KCNQ3: variants seen among roughly 807,000 people sequenced by gnomAD.
KCNQ3 encodes potassium voltage-gated channel subfamily Q member 3, also known as potassium voltage-gated channel subfamily KQT member 3.
Under a neutral mutation model 92.5 loss-of-function variants are expected in KCNQ3, and 30 were observed. The observed-to-expected ratio is 0.32, with a 90% CI of 0.24 to 0.44. KCNQ3 has a LOEUF of 0.44. Ranked by LOEUF, KCNQ3 falls within the 20% of genes least tolerant of loss-of-function variation. The pLI, the probability that KCNQ3 is intolerant of heterozygous loss-of-function variation, is 1.00. For synonymous variants in KCNQ3, 450 were observed against 468.8 expected (o/e 0.96, Z 0.52); for missense variants, 913 against 1,140.3 (o/e 0.80, Z 2.87).
intron 7 of KCNQ3, among the ~76,000 whole-genome samples, chr8:132,171,879 C>T (rs182399365): frequency 5.3e-5 from 8 of 152,118 alleles, no homozygotes; most frequent in Non-Finnish European, 1.0e-4. Context: ...GCTGAGGCCA[C>T]GTGCCACAAC....
Position 132,388,017 on chromosome 8 carries a change from AGAG to A in KCNQ3, c.386+92127_386+92129del, listed in dbSNP as rs1361464534. Among the ~76,000 whole-genome samples, 52 of 146,484 alleles carry A rather than the reference AGAG, an allele frequency of 3.5e-4. 1 individual carries two copies. Among genetic ancestry groups the A allele is most frequent in the Middle Eastern group, 3.4e-3 (1 of 290 alleles). On this transcript the variant is annotated intron_variant, in intron 1 of 14. Transcript: ENST00000388996. ...AGGAAGAAGAAGAAGAGGAAGAGGA[AGAG>A]GAAGAAGAAGAAGAGGAAGAGGAAG... is the stretch of plus-strand genomic sequence containing the variant.
intron 1 of KCNQ3, among the ~76,000 whole-genome samples, chr8:132,425,435 G>A (rs1401110172): frequency 1.3e-5 from 2 of 152,156 alleles, no homozygotes; most frequent in Admixed American, 6.6e-5. Context: ...TGCATTGAGA[G>A]GATCTTGTGA....
In KCNQ3 at chr8:132,198,680, G is replaced by A. The variant is rs182550640; in HGVS notation, c.387-12499C>T. ...AAATTAGCTGGGCATGGTGGCGGGT[G>A]CCTGCAATCCCAGCTACTTGGGAGG... On this transcript the variant is annotated intron_variant, in intron 1 of 14. Coordinates refer to ENST00000388996, the MANE Select transcript of KCNQ3 (RefSeq NM_004519.4). Among the ~76,000 whole-genome samples, 512 of 152,186 alleles carry A rather than the reference G, an allele frequency of 3.4e-3. 3 individuals carry two copies. Among genetic ancestry groups the A allele is most frequent in the African/African-American group, 0.012 (494 of 41,526 alleles).
chr8:132,395,083 A>C (rs1243902728), intron 1 of KCNQ3, among the ~76,000 whole-genome samples: 1 of 152,184 alleles, frequency 6.6e-6, no homozygotes, highest in Non-Finnish European at 1.5e-5. Flanking sequence ...GTTCCCTTCC[A>C]ACCCTGCTGG....
At chr8:132,235,623 G>A (rs979077972) in intron 1 of KCNQ3, among the ~76,000 whole-genome samples, 1 of 152,142 alleles carries the variant, frequency 6.6e-6, no homozygotes, top group African/African-American at 2.4e-5. Context: ...ATTCACTAAA[G>A]CCAGTTACCT....
intron 1 of KCNQ3, among the ~76,000 whole-genome samples, chr8:132,228,350 C>G (rs534462218): frequency 3.9e-5 from 6 of 151,978 alleles, no homozygotes; most frequent in Non-Finnish European, 7.4e-5. Flanking sequence ...ATCCATCCAT[C>G]TATCCATTCA....
At chr8:132,341,317 T>C (rs1254635565) in intron 1 of KCNQ3, among the ~76,000 whole-genome samples, 2 of 152,178 alleles carry the variant, frequency 1.3e-5, no homozygotes, top group Non-Finnish European at 2.9e-5. Context: ...AACCTTCAAG[T>C]TAGATAAGGA....
At chr8:132,272,633 A>AAG (rs1554639370) in intron 1 of KCNQ3, among the ~76,000 whole-genome samples, 1 of 152,150 alleles carries the variant, frequency 6.6e-6, no homozygotes, top group Non-Finnish European at 1.5e-5. Flanking sequence ...GGGGCAGGCA[A>AAG]AGAGAGAGAG....
At chr8:132,315,912 G>T (rs1563855600) in intron 1 of KCNQ3, among the ~76,000 whole-genome samples, 1 of 152,124 alleles carries the variant, frequency 6.6e-6, no homozygotes. Flanking sequence ...CTTCTGAATG[G>T]TTTTCAATCT....
In KCNQ3 at chr8:132,286,692, C is replaced by T. The variant is rs539597902; in HGVS notation, c.387-100511G>A. On this transcript the variant is annotated intron_variant, in intron 1 of 14. Coordinates refer to ENST00000388996, the MANE Select transcript of KCNQ3 (RefSeq NM_004519.4). ...ATTTTGGGGGTCCAAGGGAGGACTG[C>T]TATGGTTTAGATGTAATTTGTCACT... is the stretch of plus-strand genomic sequence containing the variant. Among the ~76,000 whole-genome samples the T allele has an allele frequency of 1.3e-3, 201 of 152,212 alleles. 4 individuals carry two copies. Among genetic ancestry groups the T allele is most frequent in the Middle Eastern group, 3.4e-3 (1 of 294 alleles).
chr8:132,223,240 G>A (rs1814295090), intron 1 of KCNQ3, among the ~76,000 whole-genome samples: 1 of 152,172 alleles, frequency 6.6e-6, no homozygotes, highest in African/African-American at 2.4e-5. Context: ...GGATTTTTAA[G>A]GACCTAATAA....
At chr8:132,336,573 G>A (rs1313192092) in intron 1 of KCNQ3, among the ~76,000 whole-genome samples, 1 of 152,166 alleles carries the variant, frequency 6.6e-6, no homozygotes, top group Admixed American at 6.5e-5. Flanking sequence ...CTGAAGCCAG[G>A]GAGCCTGCCT....
intron 1 of KCNQ3, among the ~76,000 whole-genome samples, chr8:132,437,723 A>G (rs138502360): frequency 0.01 from 1,591 of 152,150 alleles, 34 homozygotes; most frequent in African/African-American, 0.037. Context: ...TGCTTGGGAG[A>G]GATACATCTT....
chr8:132,330,120 T>A (rs1292526377), intron 1 of KCNQ3, among the ~76,000 whole-genome samples: 2 of 151,956 alleles, frequency 1.3e-5, no homozygotes, highest in Non-Finnish European at 2.9e-5. Flanking sequence ...AGAGCAGAGG[T>A]ACATAGAGGC....
rs529061929 is a variant in KCNQ3 at position 132,234,686 on chromosome 8, AGG to A, written c.387-48507_387-48506del. On this transcript the variant is annotated intron_variant, in intron 1 of 14. Coordinates refer to ENST00000388996, the MANE Select transcript of KCNQ3 (RefSeq NM_004519.4). The stretch of plus-strand genomic sequence containing the variant: ...TCCCATTTTTCAGATTGAGAAACTA[AGG>A]CTCAGACCAATTAAGTGATTTGACT... Among the ~76,000 whole-genome samples the A allele has an allele frequency of 1.6e-4, 24 of 152,330 alleles. No individual in the cohort carries two copies. The South Asian group carries it at 5.0e-3, about 32-fold the overall frequency.
intron 1 of KCNQ3, among the ~76,000 whole-genome samples, chr8:132,358,376 A>G (rs1375298416): frequency 6.6e-6 from 1 of 152,172 alleles, no homozygotes; most frequent in African/African-American, 2.4e-5. Context: ...CTGTGGCTCT[A>G]CAGAGAATTC....
At chr8:132,371,442 T>C (rs1819471014) in intron 1 of KCNQ3, among the ~76,000 whole-genome samples, 1 of 152,208 alleles carries the variant, frequency 6.6e-6, no homozygotes, top group Non-Finnish European at 1.5e-5. Flanking sequence ...ACTTTATACA[T>C]GGGCAGTCAG....
chr8:132,140,855 G>T, intron 10 of KCNQ3: 1 of 488,938 alleles, frequency 2.0e-6, no homozygotes, highest in Non-Finnish European at 3.7e-6. Flanking sequence ...CATGGGGCGG[G>T]GGGTCGGGGC....
chr8:132,405,026 A>G (rs1238611433), intron 1 of KCNQ3, among the ~76,000 whole-genome samples: 1 of 152,210 alleles, frequency 6.6e-6, no homozygotes, highest in Admixed American at 6.5e-5. Flanking sequence ...CAGGAATAGG[A>G]AGCCTATATT....
Sources: gnomAD v4.1 joint callset for allele counts (sites outside exome capture counted in the v4.1 genomes callset) on GRCh38, gnomAD v4.1.1 for gene constraint, MANE v1.5 for transcripts, NCBI Gene and HGNC (gene_info 2026-07-23, HGNC 2026-07-21) for gene names.